Variants in ZDHHC15 observed in about 807,000 individuals in gnomAD.
The protein encoded by ZDHHC15 is zDHHC palmitoyltransferase 15, also known as palmitoyltransferase ZDHHC15.
A neutral mutation model predicts 31.7 loss-of-function variants in ZDHHC15; 19 were observed. The ratio of observed to expected loss-of-function variants is 0.60; its 90% CI spans 0.42 to 0.88. The LOEUF (loss-of-function observed/expected upper bound fraction) is 0.88, where lower values mean the gene tolerates loss of function less well. Among genes scored for constraint, ZDHHC15 ranks in the 40% least tolerant of loss-of-function variants. ZDHHC15 has a pLI of 0.00. For synonymous variants in ZDHHC15, 103 were observed against 90.0 expected (o/e 1.14, Z -0.82); for missense variants, 209 against 251.2 (o/e 0.83, Z 1.14).
chrX:75,494,428 A>T (rs1465777297), intron 2 of ZDHHC15, among the ~76,000 whole-genome samples: 1 of 111,462 alleles, frequency 9.0e-6, no homozygotes, highest in African/African-American at 3.3e-5. Flanking sequence ...AATTGGAAAA[A>T]ACTACTTTAA....
intron 10 of ZDHHC15, among the ~76,000 whole-genome samples, chrX:75,381,519 T>G (rs1192728598): frequency 8.9e-6 from 1 of 111,796 alleles, no homozygotes; most frequent in Non-Finnish European, 1.9e-5. Flanking sequence ...TTCCAGTTCT[T>G]GTCTCTCCAA....
chrX:75,471,486 A>G (rs1406234399), intron 3 of ZDHHC15, among the ~76,000 whole-genome samples: 1 of 112,091 alleles, frequency 8.9e-6, no homozygotes, highest in African/African-American at 3.2e-5. Context: ...TAAAATTTCC[A>G]GGGTTCCAGT....
chrX:75,515,229 G>A (rs1463987001), intron 1 of ZDHHC15, among the ~76,000 whole-genome samples: 2 of 111,012 alleles, frequency 1.8e-5, no homozygotes, highest in African/African-American at 6.6e-5. Flanking sequence ...ATTTTATGAG[G>A]CCAACATCAT....
intron 10 of ZDHHC15, among the ~76,000 whole-genome samples, chrX:75,401,276 A>T (rs2147795101): frequency 8.9e-6 from 1 of 111,752 alleles, no homozygotes; most frequent in Admixed American, 9.4e-5. Flanking sequence ...AAAGAAAAGA[A>T]AAAAGAAAAA....
At chrX:75,450,653 T>A (rs1430113991) in intron 4 of ZDHHC15, 149 bp downstream of exon 4, 23 of 1,136,725 alleles carry the variant, frequency 2.0e-5, no homozygotes, top group Non-Finnish European at 2.7e-5. Context: ...GTGTTTAAAA[T>A]TTTTTAGAAA....
chrX:75,415,886 A>C (rs1408149088), intron 10 of ZDHHC15, among the ~76,000 whole-genome samples: 1 of 112,123 alleles, frequency 8.9e-6, no homozygotes, highest in African/African-American at 3.2e-5. Flanking sequence ...AGCTTTTTTC[A>C]TTGTGAATTA....
In ZDHHC15 at chrX:75,372,838, C is replaced by A. The variant is rs970022191; in HGVS notation, c.*140G>T. ...TACACAGCAAGTATTTGATGGAATT[C>A]TTTCAAATTTTGAAGCTTTCAATCC... On this transcript the variant is annotated 3_prime_UTR_variant, in exon 12 of 12. Transcript: ENST00000373367. 1.8e-5 allele frequency: 2 copies of A among 111,874 alleles called. No homozygotes were observed. The highest frequency in any genetic ancestry group is 3.8e-5 in the Non-Finnish European group (2 of 53,126). The allele number at this position is 111,874 out of a possible 1,213,427, so 9.2% of individuals were successfully genotyped here.
In ZDHHC15 at chrX:75,478,906, C is replaced by T. The variant is rs975048470; in HGVS notation, c.243G>A (p.Gln81=). ...ATATTCTTACCTTCTGGTTTGGCTG[C>T]TGTGGGAGTGTAAAGATAGACTTCC... The part of the protein sequence containing the change: ...TYWKSIFTLP[Q]QPNQKFHLSY... Residue 81 remains glutamine (Q), a synonymous_variant, in exon 3 of 12, where the codon CAG becomes CAA. Coordinates refer to ENST00000373367, the MANE Select transcript of ZDHHC15 (RefSeq NM_144969.3). 1.6e-5 allele frequency: 19 copies of T among 1,202,575 alleles called. No homozygotes were observed. Among genetic ancestry groups the T allele is most frequent in the Non-Finnish European group, 2.0e-5 (18 of 889,667 alleles).
At chrX:75,440,131 G>T (rs929502289) in intron 4 of ZDHHC15, among the ~76,000 whole-genome samples, 1 of 111,914 alleles carries the variant, frequency 8.9e-6, no homozygotes, top group African/African-American at 3.2e-5. Flanking sequence ...TATGGCCCTG[G>T]TTTTCTCAAA....
chrX:75,422,931 A>C (rs1369106710), intron 8 of ZDHHC15, among the ~76,000 whole-genome samples: 2 of 102,066 alleles, frequency 2.0e-5, no homozygotes, highest in Non-Finnish European at 2.0e-5. Context: ...CATTAGGTAT[A>C]TCTCCCAATG....
At chrX:75,444,036 C>T (rs1235177132) in intron 4 of ZDHHC15, among the ~76,000 whole-genome samples, 4 of 110,337 alleles carry the variant, frequency 3.6e-5, no homozygotes, top group Non-Finnish European at 7.6e-5. Flanking sequence ...TAAACTAGTT[C>T]AACCATTGTG....
At chrX:75,417,282 G>T in intron 9 of ZDHHC15, 92 bp from the exon 10 acceptor site, 1 of 571,175 alleles carries the variant, frequency 1.8e-6, no homozygotes, top group Non-Finnish European at 2.8e-6. Context: ...GGGGTTCTTA[G>T]CCATATTTAG....
chrX:75,480,149 G>GA (rs1450906145), intron 2 of ZDHHC15, among the ~76,000 whole-genome samples: 26 of 106,642 alleles, frequency 2.4e-4, no homozygotes, highest in Admixed American at 1.0e-3. Context: ...TAATTGAATT[G>GA]AAAAAAAAAG....
At chrX:75,431,762 A>G (rs1246654128) in intron 4 of ZDHHC15, among the ~76,000 whole-genome samples, 1 of 111,545 alleles carries the variant, frequency 9.0e-6, no homozygotes, top group African/African-American at 3.3e-5. Flanking sequence ...TTATCTGGAT[A>G]TCTGTCATAA....
At chrX:75,438,699 C>G (rs1424472910) in intron 4 of ZDHHC15, among the ~76,000 whole-genome samples, 1 of 111,253 alleles carries the variant, frequency 9.0e-6, no homozygotes, top group Non-Finnish European at 1.9e-5. Flanking sequence ...ATTCATCATG[C>G]TAGTTGTTGC....
At chrX:75,419,738 A>G (rs371827536) in intron 9 of ZDHHC15, among the ~76,000 whole-genome samples, 7 of 109,491 alleles carry the variant, frequency 6.4e-5, no homozygotes, top group Non-Finnish European at 1.1e-4. Flanking sequence ...AGAAAATGTG[A>G]CACATATACA....
chrX:75,378,461 G>C (rs1268642959), intron 11 of ZDHHC15, among the ~76,000 whole-genome samples: 3 of 112,022 alleles, frequency 2.7e-5, no homozygotes, highest in African/African-American at 9.7e-5. Flanking sequence ...CTGAATAATT[G>C]CTAGCTTTTT....
chrX:75,382,743 T>C (rs1445375303), intron 10 of ZDHHC15, among the ~76,000 whole-genome samples: 3 of 112,199 alleles, frequency 2.7e-5, no homozygotes, highest in Non-Finnish European at 5.6e-5. Context: ...AGCCATTTGG[T>C]GAAAGATATC....
chrX:75,392,934 G>GTT (rs1202186988), intron 10 of ZDHHC15, among the ~76,000 whole-genome samples: 4 of 102,177 alleles, frequency 3.9e-5, no homozygotes, highest in African/African-American at 7.1e-5. Context: ...GCAGGTCATG[G>GTT]TTTTTTTTTT....
Sources: allele counts gnomAD v4.1 joint callset (sites outside exome capture counted in the v4.1 genomes callset), GRCh38; gene constraint gnomAD v4.1.1; transcripts MANE v1.5; gene names NCBI Gene and HGNC (gene_info 2026-07-23, HGNC 2026-07-21).